Variants in QARS1 observed in about 807,000 individuals in gnomAD.
The protein encoded by QARS1 is glutamine--tRNA ligase.
QARS1 carries 79 observed loss-of-function variants against 106.9 expected under a neutral mutation model. That is an observed-to-expected ratio of 0.74 (90% CI 0.62 to 0.89). The LOEUF (loss-of-function observed/expected upper bound fraction) is 0.89, where lower values mean the gene tolerates loss of function less well. QARS1 is among the 40% of genes least tolerant of loss of function. QARS1 has a pLI of 0.00. For synonymous variants in QARS1, 395 were observed against 367.7 expected (o/e 1.07, Z -0.85); for missense variants, 966 against 997.2 (o/e 0.97, Z 0.42).
chr3:49,099,784 G>A lies in QARS1; in HGVS notation c.1365C>T (p.Leu455=), dbSNP rs747328365. The change falls in exon 15 of 24, where the codon CTC becomes CTT. Residue 455 remains leucine, a synonymous_variant. Coordinates refer to ENST00000306125, the MANE Select transcript of QARS1 (RefSeq NM_005051.3). ...CDSIEHITHS[L]CTKEFQARRS... is the part of the protein sequence containing the mutation. ...ACCGGGCCTGGAATTCCTTGGTGCAGAGTGAGTGAGTGATGTGCTCGATGG... is the reference window on the plus strand; with the variant it reads ...ACCGGGCCTGGAATTCCTTGGTGCAAAGTGAGTGAGTGATGTGCTCGATGG... 2 of 1,613,902 alleles carry A rather than the reference G, an allele frequency of 1.2e-6. No homozygotes were observed. The highest frequency in any genetic ancestry group is 2.2e-5 in the South Asian group (2 of 91,084).
chr3:49,099,002 A>T lies in QARS1; in HGVS notation c.1759-13T>A, dbSNP rs375454834. 3.2e-5 allele frequency: 52 copies of T among 1,612,218 alleles called. No homozygotes were observed. The highest frequency in any genetic ancestry group is 3.6e-5 in the Non-Finnish European group (43 of 1,178,526). On this transcript the variant is annotated splice_polypyrimidine_tract_variant and intron_variant, in intron 18 of 23. Coordinates refer to ENST00000306125, the MANE Select transcript of QARS1 (RefSeq NM_005051.3). ...GGATGTCCAAGGACTATAGCAGGAG[A>T]CAGGAGACAGGTATGAGTCATACTC... is the stretch of plus-strand genomic sequence containing the variant.
rs1249750231 is a variant in QARS1 at position 49,098,440 on chromosome 3, C to A, written c.1997G>T (p.Arg666Ile). The A allele has an allele frequency of 3.7e-6, 6 of 1,614,238 alleles. No individual in the cohort carries two copies. In the Admixed American group the frequency reaches 8.3e-5, roughly 22 times the overall value. Residue 666 changes from arginine to isoleucine, a missense_variant, in exon 21 of 24, where the codon AGA (arginine) becomes ATA (isoleucine). Transcript: ENST00000306125. ...TGGCTTCTCTCCAGCATCTGCCCGTCTGCAGGTCACCTCCAGACTCTCTAC... is the reference window on the plus strand; with the variant it reads ...TGGCTTCTCTCCAGCATCTGCCCGTATGCAGGTCACCTCCAGACTCTCTAC... ...GCVESLEVTC[R>I]RADAGEKPKA...
rs2042480469 is a variant in QARS1 at position 49,102,211 on chromosome 3, C to T, written c.625G>A (p.Glu209Lys). The T allele has an allele frequency of 1.9e-6, 3 of 1,614,118 alleles. No homozygotes were observed. The highest frequency in any genetic ancestry group is 2.5e-6 in the Non-Finnish European group (3 of 1,180,050). The stretch of plus-strand genomic sequence containing the variant: ...GGAGTCTCAAGCTTCTCACCATTCT[C>T]CACCACATCCTTTGCCGTCCTCCGG... Reference protein sequence around the residue: ...TDRRTAKDVVENGETADQTLS... With the variant: ...TDRRTAKDVVKNGETADQTLS... The change falls in exon 7 of 24, where the codon GAG becomes AAG. Residue 209 changes from glutamate (E) to lysine (K), a missense_variant. Transcript: ENST00000306125.
Position 49,099,046 on chromosome 3 carries a change from C to G in QARS1, c.1759-57G>C, listed in dbSNP as rs945139013. On this transcript the variant is annotated intron_variant, in intron 18 of 23. Coordinates refer to ENST00000306125, the MANE Select transcript of QARS1 (RefSeq NM_005051.3). ...CATACTCAGCATTAGGACCCCCATG[C>G]CCAGAGCCAAGTGTACCCCCAGCTA... The G allele has an allele frequency of 3.7e-6, 6 of 1,613,330 alleles. No homozygotes were observed. In the African/African-American group the frequency reaches 8.0e-5, roughly 22 times the overall value.
Position 49,099,956 on chromosome 3 carries a change from CCCA to C in QARS1, c.1295+2_1295+4del, listed in dbSNP as rs2042446123. On this transcript the variant is annotated splice_donor_variant and splice_donor_region_variant and intron_variant, in intron 14 of 23. Coordinates refer to ENST00000306125, the MANE Select transcript of QARS1 (RefSeq NM_005051.3). LOFTEE classifies it high-confidence loss of function. Reference sequence around the variant, plus strand: ...CCCCACCACCCCACCCCATTCTACACCCACCATTTGTCCCCTGTGCGGTGGTGT... The same window carrying C: ...CCCCACCACCCCACCCCATTCTACACCCATTTGTCCCCTGTGCGGTGGTGT... 6.2e-7 allele frequency: 1 copy of C among 1,614,080 alleles called. No homozygotes were observed. The highest frequency in any genetic ancestry group is 1.3e-5 in the African/African-American group (1 of 74,928).
Position 49,099,414 on chromosome 3 carries a change from C to T in QARS1, c.1544G>A (p.Arg515Gln), listed in dbSNP as rs377454880. 1.1e-5 allele frequency: 18 copies of T among 1,614,022 alleles called. No individual in the cohort carries two copies. Among genetic ancestry groups the T allele is most frequent in the East Asian group, 2.2e-5 (1 of 44,900 alleles). ...TCGCAGGGCCGTGAGTGTAAAGAGC[C>T]GTGGGTCATCCCAGTCCCTGTGGAT... The part of the protein sequence containing the change: ...TGAVRDWDDP[R>Q]LFTLTALRRR... Residue 515 changes from arginine (R) to glutamine (Q), a missense_variant, in exon 17 of 24, where the codon CGG (arginine) becomes CAG (glutamine). Arg to Gln is a conservative substitution (Grantham distance 43). Transcript: ENST00000306125.
At chr3:49,103,147 G>A (rs1411166784) in intron 5 of QARS1, among the ~76,000 whole-genome samples, 198 bp downstream of exon 5, 2 of 151,938 alleles carry the variant, frequency 1.3e-5, no homozygotes, top group Non-Finnish European at 2.9e-5. Flanking sequence ...CTGTAGAGAG[G>A]AGTTCTCAAT....
Position 49,098,703 on chromosome 3 carries a change from G to T in QARS1, c.1864-11C>A. 1 of 1,582,490 alleles carries T rather than the reference G, an allele frequency of 6.3e-7. No homozygotes were observed. The highest frequency in any genetic ancestry group is 8.6e-7 in the Non-Finnish European group (1 of 1,165,250). On this transcript the variant is annotated splice_polypyrimidine_tract_variant and intron_variant, in intron 19 of 23. Transcript: ENST00000306125. ...TCCTGGCTCTGGCTCCTAGAGATAG[G>T]AAGTGGGGTAGACACATGAGGCTGC...
In QARS1 at chr3:49,104,717, G is replaced by C; in HGVS notation, c.17C>G (p.Ser6Cys). ...GCCGAGGCTAGTGAAGAGCGACAGG[G>C]AGTCTAGAGCCGCCATTGCAGAGAC... MAALD[S>C]LSLFTSLGLS... Residue 6 changes from serine to cysteine, a missense_variant, in exon 1 of 24, where the codon TCC (serine) becomes TGC (cysteine). Coordinates refer to ENST00000306125, the MANE Select transcript of QARS1 (RefSeq NM_005051.3). The C allele has an allele frequency of 6.2e-7, 1 of 1,612,920 alleles. No homozygotes were observed. Among genetic ancestry groups the C allele is most frequent in the Non-Finnish European group, 8.5e-7 (1 of 1,179,420 alleles).
chr3:49,104,100 T>G (rs1364651854), intron 2 of QARS1, 128 bp from the exon 3 acceptor site: 1 of 1,114,978 alleles, frequency 9.0e-7, no homozygotes, highest in Admixed American at 1.9e-5. Context: ...ACCACCACCC[T>G]AGAGAACACA....
chr3:49,104,521 G>A, intron 1 of QARS1, 50 bp from the exon 2 acceptor site: 2 of 1,608,658 alleles, frequency 1.2e-6, no homozygotes, highest in Non-Finnish European at 1.7e-6. Context: ...TGAGAGGAAA[G>A]GGCGGGACAA....
intron 4 of QARS1, 85 bp from the exon 5 acceptor site, chr3:49,103,494 CACCAGA>C: frequency 6.3e-7 from 1 of 1,584,052 alleles, no homozygotes; most frequent in Non-Finnish European, 8.7e-7. Flanking sequence ...CCTGGCTGAC[CACCAGA>C]ACCAGAGCCT....
chr3:49,099,760 C>G lies in QARS1; in HGVS notation c.1388+1G>C, dbSNP rs1399794642. The G allele has an allele frequency of 6.2e-7, 1 of 1,613,994 alleles. No individual in the cohort carries two copies. Among genetic ancestry groups the G allele is most frequent in the Non-Finnish European group, 8.5e-7 (1 of 1,179,950 alleles). On this transcript the variant is annotated splice_donor_variant, in intron 15 of 23. Coordinates refer to ENST00000306125, the MANE Select transcript of QARS1 (RefSeq NM_005051.3). LOFTEE classifies it high-confidence loss of function. ...CCACCCCATGGACCCAGCTCCCTCA[C>G]CGGGCCTGGAATTCCTTGGTGCAGA...
chr3:49,103,815 T>C, intron 3 of QARS1, 48 bp downstream of exon 3: 1 of 1,600,654 alleles, frequency 6.2e-7, no homozygotes, highest in South Asian at 1.1e-5. Context: ...GCCACTCCTT[T>C]CCATGGCCAG....
At chr3:49,104,050 T>C (rs1224186529) in intron 2 of QARS1, 78 bp from the exon 3 acceptor site, 3 of 1,360,834 alleles carry the variant, frequency 2.2e-6, no homozygotes, top group East Asian at 2.4e-5. Flanking sequence ...CTCATGAAAC[T>C]CCAAGGATAG....
intron 1 of QARS1, 29 bp from the exon 2 acceptor site, chr3:49,104,500 C>A (rs749841518): frequency 1.2e-6 from 2 of 1,612,010 alleles, no homozygotes; most frequent in East Asian, 4.5e-5. Flanking sequence ...AGAGAGAAGC[C>A]CCGCGCTCAG....
chr3:49,096,955 A>T (rs1258636383), intron 23 of QARS1, among the ~76,000 whole-genome samples: 2 of 150,782 alleles, frequency 1.3e-5, no homozygotes, highest in African/African-American at 2.4e-5. Context: ...ACTGTACTCC[A>T]GCCTGGGCAA....
intron 19 of QARS1, 60 bp from the exon 20 acceptor site, chr3:49,098,752 T>C: frequency 6.6e-7 from 1 of 1,511,132 alleles, no homozygotes; most frequent in South Asian, 1.2e-5. Context: ...GTGGGGAAGC[T>C]TCCCTACCCC....
chr3:49,102,080 C>CCGGCGTCTCTCCTT (rs2042478865), intron 7 of QARS1, 125 bp downstream of exon 7: 1 of 1,379,132 alleles, frequency 7.3e-7, no homozygotes, highest in African/African-American at 1.5e-5. Flanking sequence ...ACCAGGAATC[C>CCGGCGTCTCTCCTT]CAGTCTTGAG....
Sources: gnomAD v4.1 joint callset for allele counts (sites outside exome capture counted in the v4.1 genomes callset) on GRCh38, gnomAD v4.1.1 for gene constraint, MANE v1.5 for transcripts, NCBI Gene and HGNC (gene_info 2026-07-23, HGNC 2026-07-21) for gene names.